The following COX8A variants were observed in gnomAD, a reference collection of about 807,000 sequenced individuals.
COX8A encodes the protein cytochrome c oxidase subunit 8A, mitochondrial.
A neutral mutation model predicts 4.4 loss-of-function variants in COX8A; 6 were observed. The observed-to-expected ratio is 1.36, with a 90% CI of 0.74 to 2.68. The LOEUF is 2.68. Ranked by LOEUF, COX8A falls within the 30% of genes most tolerant of loss-of-function variation. The pLI, the probability that COX8A is intolerant of heterozygous loss-of-function variation, is 0.00. For missense variants in COX8A, 72 were observed against 89.6 expected (o/e 0.80, Z 0.79); for synonymous variants, 53 against 47.1 (o/e 1.12, Z -0.51).
intron 1 of COX8A, 152 bp downstream of exon 1, chr11:63,974,946 G>A: frequency 1.5e-6 from 1 of 688,646 alleles, no homozygotes; most frequent in South Asian, 2.0e-5. Context: ...CGCGAACGAC[G>A]GGGACAGTGC....
rs1343035640 is a variant in COX8A at position 63,976,455 on chromosome 11, T to C, written c.*135T>C. The C allele has an allele frequency of 2.6e-6, 2 of 773,416 alleles. No individual in the cohort carries two copies. Among genetic ancestry groups the C allele is most frequent in the Non-Finnish European group, 4.3e-6 (2 of 460,254 alleles). The allele number at this position is 773,416 out of a possible 1,614,324, so 47.9% of individuals were successfully genotyped here. A position where few individuals can be genotyped will look rare whatever the true frequency, so the allele number is the denominator to read the frequency against. ...AGTCACCTCTTCTGCAATCATGACC[T>C]CTTGATGTCTCCATGGTGACCTCCT... On this transcript the variant is annotated 3_prime_UTR_variant, in exon 2 of 2. Coordinates refer to ENST00000314133, the MANE Select transcript of COX8A (RefSeq NM_004074.3).
rs1942542386 is a variant in COX8A at position 63,976,506 on chromosome 11, G to T, written c.*186G>T. On this transcript the variant is annotated 3_prime_UTR_variant, in exon 2 of 2. Transcript: ENST00000314133. ...TGGGGGTCACTGACCCTGCTTGGTG[G>T]GGTCCCCCTTGTAACAATAAAATCT... 3.3e-6 allele frequency: 2 copies of T among 597,558 alleles called. No homozygotes were observed. Among genetic ancestry groups the T allele is most frequent in the African/African-American group, 1.9e-5 (1 of 53,636 alleles). The allele number at this position is 597,558 out of a possible 1,614,324, so 37.0% of individuals were successfully genotyped here.
In COX8A at chr11:63,974,630, C is replaced by T; in HGVS notation, c.-51C>T. Reference sequence around the variant, plus strand: ...CCGGCCAGCGCAGCCATTTTGGCTTCCTGACCTTGGGCTACGGCTGACCGT... The same window carrying T: ...CCGGCCAGCGCAGCCATTTTGGCTTTCTGACCTTGGGCTACGGCTGACCGT... On this transcript the variant is annotated 5_prime_UTR_variant, in exon 1 of 2. Transcript: ENST00000314133. 2 of 1,542,188 alleles carry T rather than the reference C, an allele frequency of 1.3e-6. No individual in the cohort carries two copies. Among genetic ancestry groups the T allele is most frequent in the Non-Finnish European group, 1.8e-6 (2 of 1,135,770 alleles).
At position 63,976,478 on chromosome 11, in the gene COX8A, C is replaced by T. The variant is rs1942542017; in HGVS notation, c.*158C>T. The T allele has an allele frequency of 1.5e-6, 1 of 650,968 alleles. No homozygotes were observed. Among genetic ancestry groups the T allele is most frequent in the African/African-American group, 1.8e-5 (1 of 54,912 alleles). 40.3% of individuals were successfully genotyped at this position (650,968 alleles called of 1,614,324 possible). ...CCTCTTGATGTCTCCATGGTGACCT[C>T]CTTGGGGGTCACTGACCCTGCTTGG... On this transcript the variant is annotated 3_prime_UTR_variant, in exon 2 of 2. Coordinates refer to ENST00000314133, the MANE Select transcript of COX8A (RefSeq NM_004074.3).
Position 63,974,711 on chromosome 11 carries a change from G to A in COX8A, c.31G>A (p.Gly11Ser), listed in dbSNP as rs199919249. The stretch of plus-strand genomic sequence containing the variant: ...CGTCCTGACGCCGCTGCTGCTGCGG[G>A]GCTTGACAGGCTCGGCCCGGCGGCT... Reference protein sequence around the residue: MSVLTPLLLRGLTGSARRLPV... With the variant: MSVLTPLLLRSLTGSARRLPV... Residue 11 changes from glycine to serine, a missense_variant, in exon 1 of 2, where the codon GGC (glycine) becomes AGC (serine). Coordinates refer to ENST00000314133, the MANE Select transcript of COX8A (RefSeq NM_004074.3). 1.2e-6 allele frequency: 2 copies of A among 1,610,294 alleles called. No homozygotes were observed. Among genetic ancestry groups the A allele is most frequent in the East Asian group, 2.2e-5 (1 of 44,756 alleles).
intron 1 of COX8A, among the ~76,000 whole-genome samples, chr11:63,975,914 G>C (rs1432600482): frequency 6.6e-6 from 1 of 152,148 alleles, no homozygotes; most frequent in Non-Finnish European, 1.5e-5. Context: ...AATAAATCCT[G>C]CTTCCTGTCC....
chr11:63,976,032 TAGCGTAGCTTTGGACCTGCTCTG>T (rs1199857144), intron 1 of COX8A, among the ~76,000 whole-genome samples, 170 bp from the exon 2 acceptor site: 2 of 152,192 alleles, frequency 1.3e-5, no homozygotes, highest in Admixed American at 1.3e-4. Context: ...CCTCAAGGGT[TAGCGTAGCTTTGGACCTGCTCTG>T]TCTGCTCCGT....
Position 63,976,368 on chromosome 11 carries a change from C to T in COX8A, c.*48C>T. On this transcript the variant is annotated 3_prime_UTR_variant, in exon 2 of 2. Transcript: ENST00000314133. Reference sequence around the variant, plus strand: ...ACTGTGACCTGACCAGCCCCACCGGCCCATCCTGGTCATGTTACTGCATTT... The same window carrying T: ...ACTGTGACCTGACCAGCCCCACCGGTCCATCCTGGTCATGTTACTGCATTT... The T allele has an allele frequency of 1.3e-6, 2 of 1,544,732 alleles. No homozygotes were observed. The highest frequency in any genetic ancestry group is 1.1e-5 in the South Asian group (1 of 89,594).
intron 1 of COX8A, among the ~76,000 whole-genome samples, chr11:63,975,486 G>A (rs1942532223): frequency 6.6e-6 from 1 of 151,614 alleles, no homozygotes; most frequent in African/African-American, 2.4e-5. Context: ...CTGGGAGGGG[G>A]TTTTCAGGCA....
rs776215590 is a variant in COX8A, at chr11:63,976,332, C to T, written c.*12C>T. On this transcript the variant is annotated 3_prime_UTR_variant, in exon 2 of 2. Coordinates refer to ENST00000314133, the MANE Select transcript of COX8A (RefSeq NM_004074.3). ...GGAGGCCAGAGTGAAGGGGTCCGTT[C>T]TGTCCCTCACACTGTGACCTGACCA... is the stretch of plus-strand genomic sequence containing the variant. The T allele has an allele frequency of 1.2e-6, 2 of 1,612,542 alleles. No homozygotes were observed. The highest frequency in any genetic ancestry group is 1.7e-6 in the Non-Finnish European group (2 of 1,178,592).
intron 1 of COX8A, among the ~76,000 whole-genome samples, chr11:63,975,801 CTA>C (rs1291895743): frequency 6.6e-6 from 1 of 152,120 alleles, no homozygotes; most frequent in East Asian, 1.9e-4. Context: ...AGGCTGGTCT[CTA>C]ACTCCTGACC....
rs1332616502 is a variant in COX8A at position 63,974,675 on chromosome 11, G to A, written c.-6G>A. 3.7e-6 allele frequency: 6 copies of A among 1,602,042 alleles called. No homozygotes were observed. The highest frequency in any genetic ancestry group is 2.3e-5 in the East Asian group (1 of 44,426). ...GACCGTTTTTTGTGGTGTACTCCGT[G>A]CCATCATGTCCGTCCTGACGCCGCT... On this transcript the variant is annotated 5_prime_UTR_variant, in exon 1 of 2. Coordinates refer to ENST00000314133, the MANE Select transcript of COX8A (RefSeq NM_004074.3).
At chr11:63,975,837 C>G (rs909799489) in intron 1 of COX8A, among the ~76,000 whole-genome samples, 6 of 152,188 alleles carry the variant, frequency 3.9e-5, no homozygotes, top group African/African-American at 1.2e-4. Flanking sequence ...GCCTTGGCCT[C>G]CCAAATTGCT....
In COX8A at chr11:63,976,351, C is replaced by G; in HGVS notation, c.*31C>G. 6.3e-7 allele frequency: 1 copy of G among 1,596,188 alleles called. No individual in the cohort carries two copies. Among genetic ancestry groups the G allele is most frequent in the Non-Finnish European group, 8.6e-7 (1 of 1,163,962 alleles). On this transcript the variant is annotated 3_prime_UTR_variant, in exon 2 of 2. Transcript: ENST00000314133. ...TCCGTTCTGTCCCTCACACTGTGAC[C>G]TGACCAGCCCCACCGGCCCATCCTG...
rs11605797 is a variant in COX8A, at chr11:63,975,948, A to C, written c.115-277A>C. ...CCCTTCCTTTACCATCTGGTGGTGC[A>C]TTTCTCCCTGAACCCTAACCCCAGC... On this transcript the variant is annotated intron_variant, in intron 1 of 1. Coordinates refer to ENST00000314133, the MANE Select transcript of COX8A (RefSeq NM_004074.3). Among the ~76,000 whole-genome samples, 679 of 152,074 alleles carry C rather than the reference A, an allele frequency of 4.5e-3. 4 individuals carry two copies. The highest frequency in any genetic ancestry group is 0.01 in the Middle Eastern group (3 of 294).
chr11:63,976,329 G>T lies in COX8A; in HGVS notation c.*9G>T. On this transcript the variant is annotated 3_prime_UTR_variant, in exon 2 of 2. Transcript: ENST00000314133. ...ACAGGAGGCCAGAGTGAAGGGGTCC[G>T]TTCTGTCCCTCACACTGTGACCTGA... 6.2e-7 allele frequency: 1 copy of T among 1,612,980 alleles called. No homozygotes were observed. Among genetic ancestry groups the T allele is most frequent in the Admixed American group, 1.7e-5 (1 of 60,018 alleles).
rs570320155 is a variant in COX8A at position 63,974,881 on chromosome 11, C to T, written c.114+87C>T. ...ACCTCAGGTGGTCCTGAGAATGCCT[C>T]GCGCCCCGCAGCGTAGCGGGGAGCA... On this transcript the variant is annotated intron_variant, in intron 1 of 1. Coordinates refer to ENST00000314133, the MANE Select transcript of COX8A (RefSeq NM_004074.3). The T allele has an allele frequency of 4.0e-5, 49 of 1,215,334 alleles. No individual in the cohort carries two copies. The Admixed American group carries it at 5.8e-4, about 14-fold the overall frequency. 75.3% of individuals were successfully genotyped at this position (1,215,334 alleles called of 1,614,324 possible). A position where few individuals can be genotyped will look rare whatever the true frequency, so the allele number is the denominator to read the frequency against.
chr11:63,976,438 C>G lies in COX8A; in HGVS notation c.*118C>G. 1.1e-6 allele frequency: 1 copy of G among 906,330 alleles called. No individual in the cohort carries two copies. Among genetic ancestry groups the G allele is most frequent in the South Asian group, 1.4e-5 (1 of 69,126 alleles). The allele number at this position is 906,330 out of a possible 1,614,324, so 56.1% of individuals were successfully genotyped here. Reference sequence around the variant, plus strand: ...TCATGTCATTCAATTCCAGTCACCTCTTCTGCAATCATGACCTCTTGATGT... The same window carrying G: ...TCATGTCATTCAATTCCAGTCACCTGTTCTGCAATCATGACCTCTTGATGT... On this transcript the variant is annotated 3_prime_UTR_variant, in exon 2 of 2. Transcript: ENST00000314133.
At position 63,974,792 on chromosome 11, in the gene COX8A, A is replaced by G; in HGVS notation, c.112A>G (p.Met38Val). ...GCCGCCGGAGGGGAAGCTTGGGATC[A>G]TGGTGAGGAACGGGCCTGGAAGAGC... ...SLPPEGKLGI[M>V]ELAVGLTSCF... The change falls in exon 1 of 2, where the codon ATG (methionine) becomes GTG (valine). Residue 38 changes from methionine (M) to valine (V), a missense_variant and splice_region_variant. Met to Val is a conservative substitution (Grantham distance 21, BLOSUM62 1). Coordinates refer to ENST00000314133, the MANE Select transcript of COX8A (RefSeq NM_004074.3). 3 of 1,600,860 alleles carry G rather than the reference A, an allele frequency of 1.9e-6. No individual in the cohort carries two copies. Among genetic ancestry groups the G allele is most frequent in the Non-Finnish European group, 2.6e-6 (3 of 1,173,438 alleles).
Sources: allele counts gnomAD v4.1 joint callset (sites outside exome capture counted in the v4.1 genomes callset), GRCh38; gene constraint gnomAD v4.1.1; transcripts MANE v1.5; gene names NCBI Gene and HGNC (gene_info 2026-07-23, HGNC 2026-07-21).